PPFIA3: variants seen among roughly 807,000 people sequenced by gnomAD.
PPFIA3 encodes PPFI scaffold protein A3.
PPFIA3 carries 26 observed loss-of-function variants against 145.8 expected under a neutral mutation model. The ratio of observed to expected loss-of-function variants is 0.18; its 90% CI spans 0.13 to 0.25. PPFIA3 has a LOEUF of 0.25. PPFIA3 is among the 10% of genes least tolerant of loss of function. The pLI is 1.00. For missense variants in PPFIA3, 1,008 were observed against 1,587.8 expected, an observed-to-expected ratio of 0.63 and a Z score of 6.21; for synonymous variants, 645 against 661.4, an observed-to-expected ratio of 0.98 and a Z score of 0.38.
At chr19:49,125,553 C>G (rs2040987035) in intron 1 of PPFIA3, 1 of 152,368 alleles carries the variant, frequency 6.6e-6, no homozygotes, top group South Asian at 2.1e-4. Context: ...TTCCTTGTCC[C>G]CCGCCCTTGG....
intron 1 of PPFIA3, among the ~76,000 whole-genome samples, chr19:49,125,764 T>C (rs541921346): frequency 6.6e-6 from 1 of 151,598 alleles, no homozygotes; most frequent in African/African-American, 2.4e-5. Context: ...CTCCTGGGAA[T>C]GGGGAGGTGG....
intron 13 of PPFIA3, 136 bp downstream of exon 13, chr19:49,135,051 G>GTTTC: frequency 1.3e-6 from 1 of 762,524 alleles, no homozygotes; most frequent in Non-Finnish European, 2.0e-6. Context: ...TTGTTTGTTT[G>GTTTC]TTTGTTTTGA....
chr19:49,137,787 T>A (rs1200715085), intron 15 of PPFIA3, among the ~76,000 whole-genome samples: 1 of 152,066 alleles, frequency 6.6e-6, no homozygotes, highest in African/African-American at 2.4e-5. Flanking sequence ...TGACCACCAC[T>A]TTCCATACCA....
At chr19:49,129,235 G>A (rs1482404775) in intron 4 of PPFIA3, 145 bp from the exon 5 acceptor site, 1 of 957,032 alleles carries the variant, frequency 1.0e-6, no homozygotes, top group Non-Finnish European at 1.5e-6. Flanking sequence ...AGATTGGATA[G>A]CTGGTTGCGG....
rs2041028482 is a variant in PPFIA3 at position 49,128,302 on chromosome 19, C to T, written c.241-65C>T. 1 of 1,574,708 alleles carries T rather than the reference C, an allele frequency of 6.4e-7. No homozygotes were observed. Among genetic ancestry groups the T allele is most frequent in the Admixed American group, 1.7e-5 (1 of 59,850 alleles). On this transcript the variant is annotated intron_variant, in intron 2 of 29. Transcript: ENST00000334186. This position sits in a 1 kb window ranked among gnomAD's most constrained non-coding sequence, Gnocchi z 4.1. ...GGCGGGACCTTCAAACTTCCAGTCC[C>T]AGTGAATGAAGGAGACAGGGAAAGG...
intron 23 of PPFIA3, chr19:49,146,514 G>C: frequency 2.2e-6 from 1 of 455,762 alleles, no homozygotes; most frequent in South Asian, 2.7e-5. Flanking sequence ...TAGTGGAGGG[G>C]GCGGGGGCTA....
intron 13 of PPFIA3, 87 bp from the exon 14 acceptor site, chr19:49,135,692 C>T: frequency 7.1e-7 from 1 of 1,400,378 alleles, no homozygotes; most frequent in Non-Finnish European, 9.6e-7. Flanking sequence ...CTTCAGGACC[C>T]CTGGCCCTAG....
Position 49,128,692 on chromosome 19 carries a change from T to G in PPFIA3, c.343-156T>G, listed in dbSNP as rs751988381. ...TCTCTTTTCTGTACCACCGGTTCCT[T>G]GACCCCGACCTCCTCTCTTTTCCTG... On this transcript the variant is annotated intron_variant, in intron 3 of 29. Coordinates refer to ENST00000334186, the MANE Select transcript of PPFIA3 (RefSeq NM_003660.4). The surrounding 1 kb of genome is among the most constrained non-coding windows in gnomAD (Gnocchi z 4.1). 8.3e-6 allele frequency: 7 copies of G among 843,248 alleles called. No homozygotes were observed. Among genetic ancestry groups the G allele is most frequent in the Non-Finnish European group, 1.3e-5 (7 of 549,806 alleles). 52.2% of individuals were successfully genotyped at this position (843,248 alleles called of 1,614,324 possible).
intron 1 of PPFIA3, chr19:49,125,347 G>C (rs1003516085): frequency 6.6e-6 from 1 of 152,344 alleles, no homozygotes. Context: ...CGCTCAGACC[G>C]GTTATGCGTT....
Position 49,128,341 on chromosome 19 carries a change from T to C in PPFIA3, c.241-26T>C. 6.2e-7 allele frequency: 1 copy of C among 1,611,366 alleles called. No individual in the cohort carries two copies. The highest frequency in any genetic ancestry group is 8.5e-7 in the Non-Finnish European group (1 of 1,177,584). ...GACAGGGAAAGGATTGAGCCGAATG[T>C]CCAGATCCTGCCAATGTCTGGACAG... On this transcript the variant is annotated intron_variant, in intron 2 of 29. Transcript: ENST00000334186. This position sits in a 1 kb window ranked among gnomAD's most constrained non-coding sequence, Gnocchi z 4.1.
Position 49,120,386 on chromosome 19 carries a change from A to G in PPFIA3, c.-16+664A>G, listed in dbSNP as rs2040922800. ...CTCGTGGCCCCGTCCTCGGCACCCC[A>G]GGTTCCTGGGACTCCAGCTGCTCCC... On this transcript the variant is annotated intron_variant, in intron 1 of 29. Transcript: ENST00000334186. The surrounding 1 kb of genome is among the most constrained non-coding windows in gnomAD (Gnocchi z 4.6). 6.6e-6 allele frequency among the ~76,000 whole-genome samples: 1 copy of G among 152,096 alleles called. No homozygotes were observed. Among genetic ancestry groups the G allele is most frequent in the South Asian group, 2.1e-4 (1 of 4,826 alleles).
At position 49,133,745 on chromosome 19, in the gene PPFIA3, C is replaced by A. The variant is rs745906886; in HGVS notation, c.1162-51C>A. The A allele has an allele frequency of 1.3e-5, 21 of 1,573,792 alleles. No individual in the cohort carries two copies. The highest frequency in any genetic ancestry group is 5.2e-5 in the Admixed American group (3 of 57,912). ...GCCTTGGAGGAGGTGGGGCTGGGAG[C>A]CTGACTGATCCTGGAAGGGTAAGTC... On this transcript the variant is annotated intron_variant, in intron 9 of 29. Coordinates refer to ENST00000334186, the MANE Select transcript of PPFIA3 (RefSeq NM_003660.4). This position sits in a 1 kb window ranked among gnomAD's most constrained non-coding sequence, Gnocchi z 7.2.
intron 11 of PPFIA3, 126 bp from the exon 12 acceptor site, chr19:49,134,513 C>T: frequency 1.1e-6 from 1 of 897,838 alleles, no homozygotes; most frequent in Admixed American, 1.9e-5. Context: ...CCGAAACTCA[C>T]CACTTGTGTC....
chr19:49,129,128 G>A (rs1158581101), intron 4 of PPFIA3, 116 bp downstream of exon 4: 92 of 1,196,666 alleles, frequency 7.7e-5, no homozygotes, highest in Non-Finnish European at 9.9e-5. Flanking sequence ...TTGGAAGAAT[G>A]TTGACTGTGA....
In PPFIA3 at chr19:49,122,447, C is replaced by T. The variant is rs117614497; in HGVS notation, c.-16+2725C>T. Among the ~76,000 whole-genome samples the T allele has an allele frequency of 6.9e-3, 1,048 of 152,318 alleles. 2 individuals are homozygous for T. Among genetic ancestry groups the T allele is most frequent in the Non-Finnish European group, 0.011 (772 of 68,040 alleles). ...ATTCTGATCCCACCATATCCTCAGA[C>T]ATGTTCCAAAGTTCTAACAACAAGT... On this transcript the variant is annotated intron_variant, in intron 1 of 29. Coordinates refer to ENST00000334186, the MANE Select transcript of PPFIA3 (RefSeq NM_003660.4).
At position 49,149,338 on chromosome 19, in the gene PPFIA3, A is replaced by G. The variant is rs773983023; in HGVS notation, c.3354+13A>G. On this transcript the variant is annotated intron_variant, in intron 27 of 29. Transcript: ENST00000334186. This position sits in a 1 kb window ranked among gnomAD's most constrained non-coding sequence, Gnocchi z 5.7. ...GCGGCTGGACGAGGTGGGCGCGGCA[A>G]CAGCTCAGAGGGCTCTGCTCCCAGC... The G allele has an allele frequency of 1.2e-6, 2 of 1,613,800 alleles. No homozygotes were observed.
chr19:49,128,395 A>C lies in PPFIA3; in HGVS notation c.269A>C (p.Asn90Thr). 2 of 1,613,354 alleles carry C rather than the reference A, an allele frequency of 1.2e-6. No homozygotes were observed. The highest frequency in any genetic ancestry group is 8.5e-7 in the Non-Finnish European group (1 of 1,179,798). ...TTTGCAGCTCTGACGAAGGAGCTGA[A>C]CTTATGTCGGGAGCAGCTGCTGGAG... ...QEFAALTKEL[N>T]LCREQLLERE... The change falls in exon 3 of 30, where the codon AAC becomes ACC. Residue 90 changes from asparagine (N) to threonine (T), a missense_variant. Physicochemically the swap from Asn to Thr is moderately conservative, Grantham distance 65 (BLOSUM62 0). Transcript: ENST00000334186. The surrounding 1 kb of genome is among the most constrained non-coding windows in gnomAD (Gnocchi z 4.1).
At chr19:49,147,848 G>A (rs2041299006) in intron 23 of PPFIA3, among the ~76,000 whole-genome samples, 1 of 152,240 alleles carries the variant, frequency 6.6e-6, no homozygotes, top group Admixed American at 6.5e-5. Flanking sequence ...AAGTCCACAG[G>A]TGATGGTGAC....
chr19:49,124,476 G>A (rs2040973325), intron 1 of PPFIA3, among the ~76,000 whole-genome samples: 1 of 152,216 alleles, frequency 6.6e-6, no homozygotes, highest in Non-Finnish European at 1.5e-5. Context: ...CATTATGTAT[G>A]TGGGGTTCTG....
Sources: allele counts gnomAD v4.1 joint callset (sites outside exome capture counted in the v4.1 genomes callset), GRCh38; gene constraint gnomAD v4.1.1; non-coding constraint Gnocchi (gnomAD v3.1); transcripts MANE v1.5; gene names NCBI Gene and HGNC (gene_info 2026-07-23, HGNC 2026-07-21).